INTU: variants seen among roughly 807,000 people sequenced by gnomAD.
INTU encodes inturned planar cell polarity protein.
Under a neutral mutation model 100.5 loss-of-function variants are expected in INTU, and 68 were observed. The ratio of observed to expected loss-of-function variants is 0.68; its 90% confidence interval spans 0.56 to 0.83. INTU has a LOEUF of 0.83. INTU is among the 40% of genes least tolerant of loss of function. INTU has a pLI of 0.00. For synonymous variants in INTU, 357 were observed against 395.7 expected (o/e 0.90, Z 1.16); for missense variants, 1,071 against 1,114.7 (o/e 0.96, Z 0.56).
At chr4:127,705,368 C>T (rs938114012) in intron 10 of INTU, among the ~76,000 whole-genome samples, 1 of 152,106 alleles carries the variant, frequency 6.6e-6, no homozygotes, top group Admixed American at 6.6e-5. Flanking sequence ...AGGGATCTTG[C>T]TTTGTGCTGA....
intron 1 of INTU, among the ~76,000 whole-genome samples, chr4:127,637,295 T>G (rs1188943172): frequency 6.6e-6 from 1 of 152,210 alleles, no homozygotes; most frequent in Non-Finnish European, 1.5e-5. Flanking sequence ...TTCTAAATCA[T>G]TTTTCTACTC....
chr4:127,705,087 CAA>C (rs549039722), intron 10 of INTU, among the ~76,000 whole-genome samples: 1 of 125,414 alleles, frequency 8.0e-6, no homozygotes, highest in Non-Finnish European at 1.7e-5. Context: ...GACTCTGTCT[CAA>C]AAAAAAAAAA....
intron 14 of INTU, among the ~76,000 whole-genome samples, chr4:127,712,092 A>G (rs887337833): frequency 1.3e-5 from 2 of 152,226 alleles, no homozygotes; most frequent in Non-Finnish European, 2.9e-5. Flanking sequence ...ATATAGCAAT[A>G]CATGTGTTAG....
rs1312145159 is a variant in INTU at position 127,719,771 on chromosome 4, G to A, written c.*3335G>A. ...CTAGATTTTCGAGTTTATTTGCACC[G>A]AGCTGTTATAGTATTGTCTGATGGT... On this transcript the variant is annotated 3_prime_UTR_variant, in exon 16 of 16. Transcript: ENST00000335251. The A allele has an allele frequency of 6.6e-6, 1 of 152,088 alleles. No homozygotes were observed. The highest frequency in any genetic ancestry group is 2.4e-5 in the African/African-American group (1 of 41,398). The allele number at this position is 152,088 out of a possible 1,614,324, so 9.4% of individuals were successfully genotyped here. A position where few individuals can be genotyped will look rare whatever the true frequency, so the allele number is the denominator to read the frequency against.
chr4:127,700,445 G>T (rs1255840025), intron 9 of INTU, among the ~76,000 whole-genome samples: 1 of 152,070 alleles, frequency 6.6e-6, no homozygotes, highest in Non-Finnish European at 1.5e-5. Context: ...CAATGAAAAG[G>T]CCTAGCAATA....
intron 2 of INTU, among the ~76,000 whole-genome samples, chr4:127,645,160 T>G (rs910642797): frequency 2.0e-5 from 3 of 152,182 alleles, no homozygotes; most frequent in African/African-American, 7.2e-5. Context: ...TTTCTTAAAA[T>G]GTAGTGTTGA....
At chr4:127,647,517 G>A (rs1368782984) in intron 2 of INTU, among the ~76,000 whole-genome samples, 2 of 152,154 alleles carry the variant, frequency 1.3e-5, no homozygotes, top group East Asian at 1.9e-4. Context: ...ACGATCATTC[G>A]GATAATCCAG....
At position 127,704,234 on chromosome 4, in the gene INTU, G is replaced by A. The variant is rs777216506; in HGVS notation, c.1510G>A (p.Asp504Asn). Residue 504 changes from aspartate (D) to asparagine (N), a missense_variant, in exon 10 of 16, where the codon GAT becomes AAT. Transcript: ENST00000335251. ...CTATGAATTTTTCCCCCAGTCCGAG[G>A]ATTACTATGACATGAGGCGGCTGTA... ...EAADFAELSE[D>N]YYDMRRLYTI... 8 of 1,607,524 alleles carry A rather than the reference G, an allele frequency of 5.0e-6. No homozygotes were observed. In the South Asian group the frequency reaches 5.6e-5, roughly 11 times the overall value.
intron 4 of INTU, among the ~76,000 whole-genome samples, chr4:127,667,757 A>G (rs1728758605): frequency 6.6e-6 from 1 of 152,124 alleles, no homozygotes; most frequent in African/African-American, 2.4e-5. Flanking sequence ...ACTTTTTTAC[A>G]CTAGAATTAC....
intron 15 of INTU, among the ~76,000 whole-genome samples, chr4:127,715,021 T>A (rs1274743345): frequency 6.6e-6 from 1 of 151,960 alleles, no homozygotes; most frequent in African/African-American, 2.4e-5. Context: ...ATATCTATAT[T>A]TATAGGTATA....
At position 127,646,702 on chromosome 4, in the gene INTU, CA is replaced by C. The variant is rs372928943; in HGVS notation, c.682+2647del. 2.6e-3 allele frequency among the ~76,000 whole-genome samples: 399 copies of C among 152,164 alleles called. 3 individuals are homozygous for C. The highest frequency in any genetic ancestry group is 8.6e-3 in the African/African-American group (359 of 41,514). Reference sequence around the variant, plus strand: ...AAATGTCTGATTTTTCTTCATTTAACAGTTTTCACAAAAGCAAGTTGGTACC... The same window carrying C: ...AAATGTCTGATTTTTCTTCATTTAACGTTTTCACAAAAGCAAGTTGGTACC... On this transcript the variant is annotated intron_variant, in intron 2 of 15. Coordinates refer to ENST00000335251, the MANE Select transcript of INTU (RefSeq NM_015693.4).
At chr4:127,656,790 T>G in intron 3 of INTU, 69 bp downstream of exon 3, 1 of 981,938 alleles carries the variant, frequency 1.0e-6, no homozygotes, top group Non-Finnish European at 1.5e-6. Flanking sequence ...TCGTGCACTA[T>G]TTTCCTTTTT....
Position 127,710,923 on chromosome 4 carries a change from G to T in INTU, c.2380G>T (p.Gly794Cys). The T allele has an allele frequency of 1.4e-6, 2 of 1,459,332 alleles. No individual in the cohort carries two copies. The highest frequency in any genetic ancestry group is 9.2e-7 in the Non-Finnish European group (1 of 1,088,522). The allele number at this position is 1,459,332 out of a possible 1,614,324, so 90.4% of individuals were successfully genotyped here. ...EIYNTVKLTS[G>C]PENTLFHYVA... ...TTTTTTCTTTTTAAGACTGACATCTGGTCCTGAGAACACACTTTTCCACTA... is the reference window on the plus strand; with the variant it reads ...TTTTTTCTTTTTAAGACTGACATCTTGTCCTGAGAACACACTTTTCCACTA... Residue 794 changes from glycine (G) to cysteine (C), a missense_variant, in exon 14 of 16, where the codon GGT becomes TGT. Transcript: ENST00000335251.
At chr4:127,687,650 T>C in intron 7 of INTU, 28 bp from the exon 8 acceptor site, 2 of 1,578,112 alleles carry the variant, frequency 1.3e-6, no homozygotes, top group Non-Finnish European at 1.7e-6. Context: ...CCATATGTCG[T>C]TCTAACTTAC....
At chr4:127,688,598 A>G (rs974542131) in intron 8 of INTU, among the ~76,000 whole-genome samples, 18 of 152,204 alleles carry the variant, frequency 1.2e-4, no homozygotes, top group Non-Finnish European at 2.4e-4. Flanking sequence ...TACTCTTCAT[A>G]AGACTCTACA....
rs1282322766 is a variant in INTU at position 127,726,031 on chromosome 4, T to C, written c.*9595T>C. 6.6e-6 allele frequency: 1 copy of C among 152,204 alleles called. No homozygotes were observed. Among genetic ancestry groups the C allele is most frequent in the Non-Finnish European group, 1.5e-5 (1 of 68,032 alleles). The allele number at this position is 152,204 out of a possible 1,614,324, so 9.4% of individuals were successfully genotyped here. ...TTTTATTAGTATGCAAATGTTCCCT[T>C]CCACCAACAACTATTAATGTGAAAA... On this transcript the variant is annotated 3_prime_UTR_variant, in exon 16 of 16. Transcript: ENST00000335251.
At chr4:127,710,304 T>C (rs1731046601) in intron 13 of INTU, among the ~76,000 whole-genome samples, 1 of 151,996 alleles carries the variant, frequency 6.6e-6, no homozygotes, top group South Asian at 2.1e-4. Context: ...TGTAATATAT[T>C]ATCCTAACCT....
At chr4:127,669,292 A>C in intron 5 of INTU, 138 bp downstream of exon 5, 1 of 434,846 alleles carries the variant, frequency 2.3e-6, no homozygotes, top group Non-Finnish European at 4.1e-6. Flanking sequence ...ATAGTCTATA[A>C]TGTATGTATA....
In INTU at chr4:127,721,040, T is replaced by G. The variant is rs1485334376; in HGVS notation, c.*4604T>G. 6.6e-6 allele frequency: 1 copy of G among 152,108 alleles called. No homozygotes were observed. The highest frequency in any genetic ancestry group is 6.6e-5 in the Admixed American group (1 of 15,266). 9.4% of individuals were successfully genotyped at this position (152,108 alleles called of 1,614,324 possible). ...ATGCTAGTTGATTATTTTGCAGACT[T>G]GTTTATGTTTTTGCTTCATAGTGTT... is the stretch of plus-strand genomic sequence containing the variant. On this transcript the variant is annotated 3_prime_UTR_variant, in exon 16 of 16. Coordinates refer to ENST00000335251, the MANE Select transcript of INTU (RefSeq NM_015693.4).
Sources: allele counts gnomAD v4.1 joint callset (sites outside exome capture counted in the v4.1 genomes callset), GRCh38; gene constraint gnomAD v4.1.1; transcripts MANE v1.5; gene names NCBI Gene and HGNC (gene_info 2026-07-23, HGNC 2026-07-21).